Variants in SLC5A11 observed in about 807,000 individuals in gnomAD.
The protein encoded by SLC5A11 is solute carrier family 5 member 11.
A neutral mutation model predicts 69.8 loss-of-function variants in SLC5A11; 48 were observed. The observed-to-expected ratio is 0.69, with a 90% CI of 0.55 to 0.87. The LOEUF (loss-of-function observed/expected upper bound fraction) is 0.87, where lower values mean the gene tolerates loss of function less well. SLC5A11 is among the 40% of genes least tolerant of loss of function. The pLI, the probability that SLC5A11 is intolerant of heterozygous loss-of-function variation, is 0.00. For synonymous variants in SLC5A11, 319 were observed against 342.4 expected (o/e 0.93, Z 0.75); for missense variants, 784 against 866.1 (o/e 0.91, Z 1.19).
chr16:24,851,093 A>G (rs35154326), intron 1 of SLC5A11, among the ~76,000 whole-genome samples: 42,693 of 150,998 alleles, frequency 0.28, 6,915 homozygotes, highest in East Asian at 0.58. Flanking sequence ...TTACAGGCAT[A>G]AGCCACTGCA....
In SLC5A11 at chr16:24,870,130, C is replaced by T. The variant is rs190922960; in HGVS notation, c.312+125C>T. 1,990 of 629,454 alleles carry T rather than the reference C, an allele frequency of 3.2e-3. 31 individuals are homozygous for T. Among genetic ancestry groups the T allele is most frequent in the African/African-American group, 0.031 (1,684 of 54,536 alleles). The allele number at this position is 629,454 out of a possible 1,614,324, so 39.0% of individuals were successfully genotyped here. On this transcript the variant is annotated intron_variant, in intron 4 of 15. Coordinates refer to ENST00000347898, the Ensembl canonical transcript of SLC5A11. ...TGGTGGGGCCAGGCGCGGTGGCTCACGCCTGTAATCTCAGCACTTTGGGAG... is the reference window on the plus strand; with the variant it reads ...TGGTGGGGCCAGGCGCGGTGGCTCATGCCTGTAATCTCAGCACTTTGGGAG...
chr16:24,869,281 C>G (rs1030568850), intron 3 of SLC5A11, among the ~76,000 whole-genome samples: 1 of 152,040 alleles, frequency 6.6e-6, no homozygotes, highest in Admixed American at 6.6e-5. Context: ...ACACACACAC[C>G]TCACTGGTTC....
chr16:24,848,494 C>G (rs970574647), intron 1 of SLC5A11, among the ~76,000 whole-genome samples: 3 of 152,264 alleles, frequency 2.0e-5, no homozygotes, highest in East Asian at 1.9e-4. Context: ...CATGGTGGCT[C>G]ACACCTGTAA....
At chr16:24,892,444 TA>T (rs59511866) in intron 9 of SLC5A11, among the ~76,000 whole-genome samples, 19,936 of 140,768 alleles carry the variant, frequency 0.14, 1,404 homozygotes, top group African/African-American at 0.17. Flanking sequence ...CCTTTTGTGT[TA>T]AAAAAAAAAA....
chr16:24,875,673 G>A, exon 6 of SLC5A11: 2 of 1,613,984 alleles, frequency 1.2e-6, no homozygotes, highest in Non-Finnish European at 1.7e-6. Context: ...GGTGGCATCA[G>A]AATCCCCATC....
intron 10 of SLC5A11, among the ~76,000 whole-genome samples, chr16:24,899,063 C>T (rs770859327): frequency 1.3e-5 from 2 of 152,178 alleles, no homozygotes; most frequent in Non-Finnish European, 2.9e-5. Context: ...AGCGATCCTC[C>T]TGCCTTGACC....
At chr16:24,877,854 C>T (rs531919217) in intron 7 of SLC5A11, among the ~76,000 whole-genome samples, 11 of 152,294 alleles carry the variant, frequency 7.2e-5, no homozygotes, top group African/African-American at 9.6e-5. Flanking sequence ...CATGATGGCC[C>T]GTGCCTGAAA....
chr16:24,882,747 G>A (rs530407928), intron 7 of SLC5A11, among the ~76,000 whole-genome samples: 1 of 152,312 alleles, frequency 6.6e-6, no homozygotes, highest in African/African-American at 2.4e-5. Context: ...CTGGGTTCAA[G>A]TGATTCTCCT....
chr16:24,867,705 T>G (rs1467610244), intron 3 of SLC5A11, among the ~76,000 whole-genome samples: 1 of 152,052 alleles, frequency 6.6e-6, no homozygotes, highest in Non-Finnish European at 1.5e-5. Flanking sequence ...ATTATGGAAA[T>G]TAAATATAGT....
In SLC5A11 at chr16:24,847,002, G is replaced by T. The variant is rs1370232703; in HGVS notation, c.-25+564G>T. 1.3e-5 allele frequency among the ~76,000 whole-genome samples: 2 copies of T among 152,224 alleles called. 1 individual carries two copies. The highest frequency in any genetic ancestry group is 2.9e-5 in the Non-Finnish European group (2 of 68,044). On this transcript the variant is annotated intron_variant, in intron 1 of 15. Coordinates refer to ENST00000347898, the Ensembl canonical transcript of SLC5A11. ...CAGCACCCCCTAATTCATGGACAGA[G>T]TCTAAGGGTCATTAAATAACTTGCT...
At chr16:24,860,177 C>T (rs1029252428) in intron 2 of SLC5A11, among the ~76,000 whole-genome samples, 2 of 152,138 alleles carry the variant, frequency 1.3e-5, no homozygotes, top group Non-Finnish European at 1.5e-5. Context: ...GTCCCAGCTA[C>T]TTGGGAGGCT....
At chr16:24,880,526 G>A (rs1254011206) in intron 7 of SLC5A11, among the ~76,000 whole-genome samples, 2 of 152,044 alleles carry the variant, frequency 1.3e-5, no homozygotes, top group South Asian at 2.1e-4. Flanking sequence ...TAGAGACAGG[G>A]TTTCTCCATG....
rs571745076 is a variant in SLC5A11 at position 24,901,169 on chromosome 16, TA to T, written c.1006+3063del. Among the ~76,000 whole-genome samples, 296 of 152,300 alleles carry T rather than the reference TA, an allele frequency of 1.9e-3. 4 individuals are homozygous for T. The South Asian group carries it at 0.024, about 13-fold the overall frequency. ...AATGGGGGTAATATTTTACAAGGCT[TA>T]AAGCAGCTCCTGGCACACAGTAAGC... On this transcript the variant is annotated intron_variant, in intron 10 of 15. Transcript: ENST00000347898.
At chr16:24,879,201 AT>A (rs1014034539) in intron 7 of SLC5A11, among the ~76,000 whole-genome samples, 19 of 150,402 alleles carry the variant, frequency 1.3e-4, no homozygotes, top group Non-Finnish European at 8.9e-5. Context: ...ATCTCAACCA[AT>A]TTTTTTTTCA....
intron 1 of SLC5A11, among the ~76,000 whole-genome samples, chr16:24,847,682 G>A (rs1356755854): frequency 6.6e-6 from 1 of 152,144 alleles, no homozygotes; most frequent in Non-Finnish European, 1.5e-5. Context: ...ATGGTGTTCT[G>A]CTGAATTATT....
exon 15 of SLC5A11, chr16:24,910,413 G>A (rs2050426820): frequency 1.2e-6 from 2 of 1,614,124 alleles, no homozygotes; most frequent in Non-Finnish European, 8.5e-7. Context: ...GGATGCCAGA[G>A]GCCAGCAGCA....
At chr16:24,894,249 C>T (rs1257260672) in intron 9 of SLC5A11, among the ~76,000 whole-genome samples, 1 of 152,194 alleles carries the variant, frequency 6.6e-6, no homozygotes, top group Non-Finnish European at 1.5e-5. Context: ...CCACCCCCAG[C>T]TGCATTTCTG....
rs985662857 is a variant in SLC5A11, at chr16:24,910,407, G to A, written c.1752G>A (p.Met584Ile). 1 of 1,614,166 alleles carries A rather than the reference G, an allele frequency of 6.2e-7. No individual in the cohort carries two copies. Residue 584 changes from methionine (M) to isoleucine (I), a missense_variant, in exon 15 of 16, where the codon ATG becomes ATA. This residue lies in a region of SLC5A11 where 550 missense variants were observed against 606.4 expected (regional missense o/e 0.91). Coordinates refer to ENST00000347898, the Ensembl canonical transcript of SLC5A11. ...CTCTTACCCTCTCTCAGAACGGGAT[G>A]CCAGAGGCCAGCAGCAGCAGCAGCG...
At chr16:24,899,107 C>T (rs984188473) in intron 10 of SLC5A11, among the ~76,000 whole-genome samples, 1 of 152,212 alleles carries the variant, frequency 6.6e-6, no homozygotes, top group Non-Finnish European at 1.5e-5. Flanking sequence ...CATGAGCCAC[C>T]ATGCCTGGCC....
Sources: allele counts gnomAD v4.1 joint callset (sites outside exome capture counted in the v4.1 genomes callset), GRCh38; gene constraint gnomAD v4.1.1; regional missense constraint gnomAD v4.1.1; transcripts MANE v1.5; gene names NCBI Gene and HGNC (gene_info 2026-07-23, HGNC 2026-07-21).